Variants in SOCS5 observed in about 807,000 individuals in gnomAD.
SOCS5 encodes the protein CIS-6.
A neutral mutation model predicts 42.8 loss-of-function variants in SOCS5; 32 were observed. The ratio of observed to expected loss-of-function variants is 0.75; its 90% CI spans 0.56 to 1.01. The LOEUF (loss-of-function observed/expected upper bound fraction) is 1.01, where lower values mean the gene tolerates loss of function less well. Ranked by LOEUF, SOCS5 falls within the 50% of genes least tolerant of loss-of-function variation. The pLI, the probability that SOCS5 is intolerant of heterozygous loss-of-function variation, is 0.00. For synonymous variants in SOCS5, 283 were observed against 229.6 expected (o/e 1.23, Z -2.10); for missense variants, 627 against 653.0 (o/e 0.96, Z 0.43).
intron 1 of SOCS5, among the ~76,000 whole-genome samples, chr2:46,754,745 A>G (rs1042165825): frequency 7.2e-5 from 11 of 152,202 alleles, no homozygotes; most frequent in African/African-American, 2.7e-4. Flanking sequence ...ATAAAGGATA[A>G]ATGGCCATCC....
chr2:46,723,263 T>C (rs896752737), intron 1 of SOCS5, among the ~76,000 whole-genome samples: 20 of 152,120 alleles, frequency 1.3e-4, no homozygotes, highest in African/African-American at 4.3e-4. Flanking sequence ...TATCTCATGT[T>C]CTGAAAGTTT....
Position 46,742,496 on chromosome 2 carries a change from T to C in SOCS5, c.-12-16023T>C, listed in dbSNP as rs145358919. ...TCCATATGTCATATGTTGAAAATGT[T>C]TTATTCAGCTTATCATTTACCTTTG... On this transcript the variant is annotated intron_variant, in intron 1 of 1. Coordinates refer to ENST00000394861, the MANE Select transcript of SOCS5 (RefSeq NM_144949.3). 1.5e-4 allele frequency among the ~76,000 whole-genome samples: 23 copies of C among 152,302 alleles called. 1 individual carries two copies. In the East Asian group the frequency reaches 4.2e-3, roughly 28 times the overall value.
intron 1 of SOCS5, among the ~76,000 whole-genome samples, chr2:46,747,064 T>C (rs942787466): frequency 2.6e-5 from 4 of 152,048 alleles, no homozygotes; most frequent in African/African-American, 9.7e-5. Flanking sequence ...TGGGCTGGTG[T>C]TTTCCTTGAG....
intron 1 of SOCS5, among the ~76,000 whole-genome samples, chr2:46,746,269 A>G (rs1483274575): frequency 6.6e-6 from 1 of 151,718 alleles, no homozygotes; most frequent in Non-Finnish European, 1.5e-5. Flanking sequence ...ATTATTCACC[A>G]CTCCCCAGAG....
chr2:46,727,853 G>C (rs1673030580), intron 1 of SOCS5, among the ~76,000 whole-genome samples: 1 of 152,122 alleles, frequency 6.6e-6, no homozygotes, highest in Admixed American at 6.5e-5. Context: ...TTCAGTCCTT[G>C]AGAGGAAAAG....
intron 1 of SOCS5, among the ~76,000 whole-genome samples, chr2:46,710,331 G>C (rs1672589552): frequency 6.6e-6 from 1 of 152,010 alleles, no homozygotes; most frequent in Non-Finnish European, 1.5e-5. Flanking sequence ...ATTTTTAGTA[G>C]AGATGGGGTT....
At chr2:46,744,922 G>T (rs1304611614) in intron 1 of SOCS5, among the ~76,000 whole-genome samples, 1 of 149,596 alleles carries the variant, frequency 6.7e-6, no homozygotes, top group Admixed American at 6.7e-5. Flanking sequence ...ATCCATACTA[G>T]ATCTAAGTAT....
intron 1 of SOCS5, among the ~76,000 whole-genome samples, chr2:46,723,571 G>A (rs1169734726): frequency 1.3e-5 from 2 of 151,976 alleles, no homozygotes; most frequent in African/African-American, 4.8e-5. Flanking sequence ...ATCTTGCACT[G>A]TTGTCAGAAA....
chr2:46,699,971 A>G lies in SOCS5; in HGVS notation c.-13+522A>G, dbSNP rs1316818563. On this transcript the variant is annotated intron_variant, in intron 1 of 1. Transcript: ENST00000394861. The surrounding 1 kb of genome is among the most constrained non-coding windows in gnomAD (Gnocchi z 4.8). The stretch of plus-strand genomic sequence containing the variant: ...TGAGGGAGGGAACCAATGAGTACAT[A>G]TGTGGGAAATGAATTGAGTGCCCCG... 1.3e-5 allele frequency among the ~76,000 whole-genome samples: 2 copies of G among 152,110 alleles called. No homozygotes were observed. The highest frequency in any genetic ancestry group is 4.8e-5 in the African/African-American group (2 of 41,428).
chr2:46,700,375 A>G (rs1466135368), intron 1 of SOCS5, among the ~76,000 whole-genome samples: 2 of 152,358 alleles, frequency 1.3e-5, no homozygotes, highest in East Asian at 1.9e-4. Context: ...TATCATAACT[A>G]CACCTTGAAA....
chr2:46,757,271 T>G (rs1172956662), intron 1 of SOCS5, among the ~76,000 whole-genome samples: 76 of 152,190 alleles, frequency 5.0e-4, no homozygotes, highest in Admixed American at 5.0e-3. Flanking sequence ...CAGCTAAAGT[T>G]TTCTGCTATC....
intron 1 of SOCS5, among the ~76,000 whole-genome samples, chr2:46,740,076 C>T (rs1193188299): frequency 6.6e-6 from 1 of 152,162 alleles, no homozygotes; most frequent in Non-Finnish European, 1.5e-5. Flanking sequence ...CTGGATAAGA[C>T]CTTTTGTTAT....
At chr2:46,713,362 A>C (rs1672670719) in intron 1 of SOCS5, among the ~76,000 whole-genome samples, 1 of 152,208 alleles carries the variant, frequency 6.6e-6, no homozygotes, top group Non-Finnish European at 1.5e-5. Flanking sequence ...GGTCTAAAAC[A>C]AATGTAAGAC....
At chr2:46,742,697 G>T (rs912893678) in intron 1 of SOCS5, among the ~76,000 whole-genome samples, 2 of 151,618 alleles carry the variant, frequency 1.3e-5, no homozygotes, top group African/African-American at 2.4e-5. Flanking sequence ...ACAGAGTCTC[G>T]CTCTGTCACC....
intron 1 of SOCS5, among the ~76,000 whole-genome samples, chr2:46,754,419 A>G (rs1044674951): frequency 1.3e-5 from 2 of 152,142 alleles, no homozygotes; most frequent in African/African-American, 4.8e-5. Flanking sequence ...AGAGTCATTC[A>G]ACTTTATAAA....
intron 1 of SOCS5, among the ~76,000 whole-genome samples, chr2:46,713,828 C>T (rs139049141): frequency 6.6e-6 from 1 of 152,144 alleles, no homozygotes; most frequent in Non-Finnish European, 1.5e-5. Context: ...TAGCTGCATC[C>T]CACAGATATT....
intron 1 of SOCS5, among the ~76,000 whole-genome samples, chr2:46,719,241 C>T (rs1672825458): frequency 6.6e-6 from 1 of 152,126 alleles, no homozygotes; most frequent in African/African-American, 2.4e-5. Context: ...CATGTCCAAT[C>T]CTTTTTTCCA....
chr2:46,755,787 A>G (rs191639433), intron 1 of SOCS5, among the ~76,000 whole-genome samples: 22 of 152,302 alleles, frequency 1.4e-4, no homozygotes, highest in Non-Finnish European at 2.6e-4. Flanking sequence ...AAATTTAACA[A>G]AACAAACAAA....
intron 1 of SOCS5, among the ~76,000 whole-genome samples, chr2:46,702,927 C>T (rs1271186413): frequency 6.6e-6 from 1 of 152,150 alleles, no homozygotes; most frequent in Non-Finnish European, 1.5e-5. Flanking sequence ...TGTAACAGCC[C>T]TTCTTCCATT....
Sources: allele counts gnomAD v4.1 joint callset (sites outside exome capture counted in the v4.1 genomes callset), GRCh38; gene constraint gnomAD v4.1.1; non-coding constraint Gnocchi (gnomAD v3.1); transcripts MANE v1.5; gene names NCBI Gene and HGNC (gene_info 2026-07-23, HGNC 2026-07-21).